Variants in NFAM1 observed in about 807,000 individuals in gnomAD.
NFAM1 encodes NFAT activating protein with ITAM motif 1.
A neutral mutation model predicts 29.0 loss-of-function variants in NFAM1; 17 were observed. The ratio of observed to expected loss-of-function variants is 0.59; its 90% CI spans 0.40 to 0.88. The LOEUF is 0.88. Among genes scored for constraint, NFAM1 ranks in the 40% least tolerant of loss-of-function variants. NFAM1 has a pLI of 0.00. For missense variants in NFAM1, 324 were observed against 344.6 expected (o/e 0.94, Z 0.47); for synonymous variants, 175 against 147.2 (o/e 1.19, Z -1.36).
chr22:42,399,700 G>C (rs184012385), intron 3 of NFAM1, among the ~76,000 whole-genome samples: 1 of 152,102 alleles, frequency 6.6e-6, no homozygotes, highest in Non-Finnish European at 1.5e-5. Context: ...GTCACGAGGC[G>C]GTACAGGCAG....
intron 1 of NFAM1, among the ~76,000 whole-genome samples, chr22:42,414,215 G>T (rs1247362334): frequency 6.6e-6 from 1 of 152,284 alleles, no homozygotes; most frequent in Admixed American, 6.5e-5. Context: ...GTCATTCCAG[G>T]GAGCTGGCAC....
In NFAM1 at chr22:42,411,918, T is replaced by A. The variant is rs533570649; in HGVS notation, c.122-182A>T. On this transcript the variant is annotated intron_variant, in intron 1 of 5. Transcript: ENST00000329021. Reference sequence around the variant, plus strand: ...TTCAAGACTAGCCTGGCCAACATGGTGAAACCCCGTCTCTACTAAAAATAC... The same window carrying A: ...TTCAAGACTAGCCTGGCCAACATGGAGAAACCCCGTCTCTACTAAAAATAC... 3.3e-5 allele frequency among the ~76,000 whole-genome samples: 5 copies of A among 152,128 alleles called. No homozygotes were observed. In the East Asian group the frequency reaches 9.7e-4, roughly 29 times the overall value.
intron 3 of NFAM1, among the ~76,000 whole-genome samples, chr22:42,404,423 C>A (rs1327298424): frequency 2.0e-5 from 3 of 152,214 alleles, no homozygotes; most frequent in Non-Finnish European, 4.4e-5. Flanking sequence ...CTGCCGCTGC[C>A]ATCAGGGGCA....
At chr22:42,413,917 G>T (rs1930174535) in intron 1 of NFAM1, among the ~76,000 whole-genome samples, 1 of 152,102 alleles carries the variant, frequency 6.6e-6, no homozygotes, top group African/African-American at 2.4e-5. Flanking sequence ...AGCCAGGTGT[G>T]GTGGTGGGCA....
intron 1 of NFAM1, among the ~76,000 whole-genome samples, chr22:42,413,151 T>TCGGCAGC (rs1299525346): frequency 1.3e-5 from 2 of 152,164 alleles, no homozygotes; most frequent in Non-Finnish European, 2.9e-5. Context: ...TAAATTGAGG[T>TCGGCAGC]CGGCAGCCAG....
intron 2 of NFAM1, chr22:42,410,581 C>T (rs997353804): frequency 1.2e-5 from 3 of 254,718 alleles, no homozygotes; most frequent in Non-Finnish European, 2.5e-5. Flanking sequence ...ATCGCTTGAA[C>T]CCAGGAGGCA....
intron 1 of NFAM1, among the ~76,000 whole-genome samples, chr22:42,426,726 G>A (rs891515147): frequency 6.6e-6 from 1 of 152,168 alleles, no homozygotes; most frequent in Non-Finnish European, 1.5e-5. Context: ...TGAGTCTCAG[G>A]GTGCAGAGGA....
intron 3 of NFAM1, among the ~76,000 whole-genome samples, chr22:42,399,616 G>A (rs1929660448): frequency 1.3e-5 from 2 of 152,164 alleles, no homozygotes; most frequent in Admixed American, 6.5e-5. Context: ...CAGGGTCAGA[G>A]CTGTGCTGGA....
chr22:42,421,626 A>C (rs1238638779), intron 1 of NFAM1, among the ~76,000 whole-genome samples: 1 of 152,016 alleles, frequency 6.6e-6, no homozygotes, highest in Non-Finnish European at 1.5e-5. Flanking sequence ...TCCCCACTGC[A>C]TGGAACTCAA....
intron 4 of NFAM1, among the ~76,000 whole-genome samples, chr22:42,392,794 AATTT>A: frequency 1.3e-5 from 2 of 151,804 alleles, no homozygotes; most frequent in Admixed American, 1.3e-4. Flanking sequence ...TCTATTTTTA[AATTT>A]ATTTATTTTT....
intron 3 of NFAM1, among the ~76,000 whole-genome samples, chr22:42,405,453 G>C (rs973881350): frequency 6.6e-6 from 1 of 152,164 alleles, no homozygotes; most frequent in African/African-American, 2.4e-5. Context: ...GGGACTGCTC[G>C]GTAGTGAACA....
chr22:42,385,287 G>T, intron 5 of NFAM1, 67 bp from the exon 6 acceptor site: 1 of 1,187,506 alleles, frequency 8.4e-7, no homozygotes, highest in Non-Finnish European at 1.3e-6. Context: ...GAATGAACTT[G>T]CACTAATTTA....
chr22:42,391,286 G>T (rs911691551), intron 4 of NFAM1, among the ~76,000 whole-genome samples: 8 of 148,742 alleles, frequency 5.4e-5, no homozygotes, highest in African/African-American at 2.0e-4. Context: ...TGAGCAGAGG[G>T]CCATGATCTG....
At chr22:42,405,538 G>A (rs1929867331) in intron 3 of NFAM1, among the ~76,000 whole-genome samples, 1 of 152,188 alleles carries the variant, frequency 6.6e-6, no homozygotes, top group African/African-American at 2.4e-5. Flanking sequence ...TTGAGGGCGA[G>A]AGTCGGGGGC....
chr22:42,429,903 C>T (rs755809112), intron 1 of NFAM1, among the ~76,000 whole-genome samples: 2 of 152,018 alleles, frequency 1.3e-5, no homozygotes, highest in Admixed American at 6.6e-5. Context: ...AGCTCTGAGA[C>T]GAGAAGGCAG....
At chr22:42,426,368 C>G (rs1032784884) in intron 1 of NFAM1, among the ~76,000 whole-genome samples, 1 of 152,174 alleles carries the variant, frequency 6.6e-6, no homozygotes, top group South Asian at 2.1e-4. Flanking sequence ...GCGTGGGGAG[C>G]AGAAACAGCC....
intron 3 of NFAM1, among the ~76,000 whole-genome samples, chr22:42,401,438 G>T (rs1025880682): frequency 6.6e-6 from 1 of 152,116 alleles, no homozygotes; most frequent in Non-Finnish European, 1.5e-5. Flanking sequence ...TCCCTCTGCT[G>T]CCACAGATGC....
upstream of NFAM1, among the ~76,000 whole-genome samples, chr22:42,433,963 G>A (rs914622155): frequency 1.9e-4 from 29 of 152,070 alleles, no homozygotes; most frequent in African/African-American, 5.8e-4. Context: ...GTCTCATTAC[G>A]ACTTGGCACT....
At chr22:42,416,668 T>C (rs1053462658) in intron 1 of NFAM1, among the ~76,000 whole-genome samples, 3 of 152,104 alleles carry the variant, frequency 2.0e-5, no homozygotes, top group Non-Finnish European at 2.9e-5. Flanking sequence ...GGGTGCCTGC[T>C]TCTCACCCCA....
Sources: allele counts gnomAD v4.1 joint callset (sites outside exome capture counted in the v4.1 genomes callset), GRCh38; gene constraint gnomAD v4.1.1; transcripts MANE v1.5; gene names NCBI Gene and HGNC (gene_info 2026-07-23, HGNC 2026-07-21).